Variants in CTSC observed in about 807,000 individuals in gnomAD.
CTSC encodes the protein cathepsin C.
CTSC carries 37 observed loss-of-function variants against 40.9 expected under a neutral mutation model. The ratio of observed to expected loss-of-function variants is 0.91; its 90% confidence interval spans 0.70 to 1.19. The LOEUF (loss-of-function observed/expected upper bound fraction) is 1.19. CTSC is among the 50% of genes most tolerant of loss of function. The pLI is 0.00. For missense variants in CTSC, 594 were observed against 567.3 expected, an observed-to-expected ratio of 1.05 and a Z score of -0.48; for synonymous variants, 232 against 207.4, an observed-to-expected ratio of 1.12 and a Z score of -1.02.
chr11:88,316,190 C>T (rs752601107), intron 2 of CTSC, among the ~76,000 whole-genome samples: 2 of 152,104 alleles, frequency 1.3e-5, no homozygotes, highest in African/African-American at 2.4e-5. Flanking sequence ...GGGTTTTTGA[C>T]GCAGAACAGA....
intron 2 of CTSC, among the ~76,000 whole-genome samples, chr11:88,329,208 G>A (rs889552911): frequency 7.9e-5 from 12 of 152,058 alleles, no homozygotes; most frequent in African/African-American, 2.2e-4. Context: ...CAGGCTGGGC[G>A]TGGTGGCTCA....
chr11:88,309,467 G>A, intron 3 of CTSC, 149 bp from the exon 4 acceptor site: 1 of 711,768 alleles, frequency 1.4e-6, no homozygotes, highest in Non-Finnish European at 2.5e-6. Flanking sequence ...GCCTAGAACA[G>A]CCTGGCATGT....
chr11:88,325,962 C>T, intron 2 of CTSC: 2 of 995,186 alleles, frequency 2.0e-6, no homozygotes, highest in Non-Finnish European at 2.4e-6. Flanking sequence ...GACACTCAGG[C>T]AGACAGTTAA....
intron 6 of CTSC, among the ~76,000 whole-genome samples, chr11:88,295,841 C>A (rs2134765361): frequency 6.6e-6 from 1 of 152,260 alleles, no homozygotes; most frequent in South Asian, 2.1e-4. Flanking sequence ...TGTTCCCCGC[C>A]CATAAATAGG....
At chr11:88,306,748 G>A (rs778993751) in intron 4 of CTSC, among the ~76,000 whole-genome samples, 2 of 152,240 alleles carry the variant, frequency 1.3e-5, no homozygotes, top group Admixed American at 1.3e-4. Flanking sequence ...GGTACACTGA[G>A]CAAGAACTTA....
At chr11:88,315,071 G>T (rs957705416) in intron 2 of CTSC, among the ~76,000 whole-genome samples, 4 of 152,174 alleles carry the variant, frequency 2.6e-5, no homozygotes, top group Non-Finnish European at 1.5e-5. Context: ...TCGAAACAGT[G>T]TAACATGGTA....
chr11:88,309,209 C>T lies in CTSC; in HGVS notation c.595G>A (p.Gly199Arg). The T allele has an allele frequency of 2.5e-6, 4 of 1,613,956 alleles. No homozygotes were observed. The highest frequency in any genetic ancestry group is 2.5e-6 in the Non-Finnish European group (3 of 1,179,928). Reference protein sequence around the residue: ...TYMEYETLTLGDMIRRSGGHS... With the variant: ...TYMEYETLTLRDMIRRSGGHS... ...CCACCACTTCTCCTAATCATATCTCCCAGGGTAAGAGTCTCATATTCCATG... is the reference window on the plus strand; with the variant it reads ...CCACCACTTCTCCTAATCATATCTCTCAGGGTAAGAGTCTCATATTCCATG... Residue 199 changes from glycine to arginine, a missense_variant, in exon 4 of 7, where the codon GGA (glycine) becomes AGA (arginine). Gly to Arg is a moderately radical substitution (Grantham distance 125, BLOSUM62 -2). Coordinates refer to ENST00000227266, the MANE Select transcript of CTSC (RefSeq NM_001814.6).
intron 5 of CTSC, chr11:88,299,822 T>A (rs1271017707): frequency 6.6e-6 from 1 of 152,228 alleles, no homozygotes; most frequent in African/African-American, 2.4e-5. Context: ...ATTCTCCAAG[T>A]CATTGTTGGC....
intron 4 of CTSC, among the ~76,000 whole-genome samples, chr11:88,308,338 T>C (rs1937680407): frequency 6.6e-6 from 1 of 152,168 alleles, no homozygotes. Flanking sequence ...ACTTGAGAGA[T>C]TGTCAGCCGT....
chr11:88,328,773 G>A (rs1005516546), intron 2 of CTSC, among the ~76,000 whole-genome samples: 6 of 151,916 alleles, frequency 3.9e-5, no homozygotes, highest in Non-Finnish European at 5.9e-5. Context: ...GACTATAGGC[G>A]TGCACCACCA....
At chr11:88,316,965 C>T (rs1224135318) in intron 2 of CTSC, among the ~76,000 whole-genome samples, 3 of 151,472 alleles carry the variant, frequency 2.0e-5, no homozygotes, top group Non-Finnish European at 4.4e-5. Flanking sequence ...CTGTGGTTGT[C>T]TTAATTTTTT....
intron 1 of CTSC, 116 bp downstream of exon 1, chr11:88,337,385 A>G: frequency 9.2e-7 from 1 of 1,087,920 alleles, no homozygotes; most frequent in Non-Finnish European, 1.4e-6. Context: ...TCCAGTCAAG[A>G]TGCTCTGGCC....
chr11:88,298,839 A>G (rs1178761125), intron 5 of CTSC: 1 of 152,236 alleles, frequency 6.6e-6, no homozygotes, highest in Non-Finnish European at 1.5e-5. Flanking sequence ...CCAATGTCAA[A>G]TAATTTGGCT....
chr11:88,328,778 C>T (rs1938262966), intron 2 of CTSC, among the ~76,000 whole-genome samples: 1 of 152,120 alleles, frequency 6.6e-6, no homozygotes, highest in South Asian at 2.1e-4. Context: ...TAGGCGTGCA[C>T]CACCACACCC....
chr11:88,319,224 G>GT (rs959436452), intron 2 of CTSC, among the ~76,000 whole-genome samples: 4 of 152,088 alleles, frequency 2.6e-5, no homozygotes, highest in South Asian at 2.1e-4. Flanking sequence ...GAAAATGGCA[G>GT]TTTTTTTATA....
intron 1 of CTSC, among the ~76,000 whole-genome samples, chr11:88,335,777 G>A (rs1467196342): frequency 6.6e-6 from 1 of 152,144 alleles, no homozygotes; most frequent in East Asian, 1.9e-4. Flanking sequence ...AGAATAAAAG[G>A]TATGACAACA....
Position 88,309,222 on chromosome 11 carries a change from C to T in CTSC, c.582G>A (p.Glu194=), listed in dbSNP as rs777839778. ...TAATCATATCTCCCAGGGTAAGAGT[C>T]TCATATTCCATGTATGTAGTTGCAG... The part of the protein sequence containing the change: ...SWTATTYMEY[E]TLTLGDMIRR... The change falls in exon 4 of 7, where the codon GAG becomes GAA. Residue 194 remains glutamate, a synonymous_variant. Transcript: ENST00000227266. 2.5e-6 allele frequency: 4 copies of T among 1,613,930 alleles called. No individual in the cohort carries two copies. The highest frequency in any genetic ancestry group is 3.4e-6 in the Non-Finnish European group (4 of 1,179,830).
chr11:88,326,235 G>C lies in CTSC; in HGVS notation c.318+8702C>G. ...TACTGTTTTCCAAGGGAGTGTTCAGGAGGGCAGCTGCCTTGGAGGTAGGTC... is the reference window on the plus strand; with the variant it reads ...TACTGTTTTCCAAGGGAGTGTTCAGCAGGGCAGCTGCCTTGGAGGTAGGTC... On this transcript the variant is annotated intron_variant, in intron 2 of 6. Transcript: ENST00000227266. The C allele has an allele frequency of 4.1e-6, 6 of 1,481,350 alleles. No individual in the cohort carries two copies. The South Asian group carries it at 8.4e-5, about 21-fold the overall frequency. 91.8% of individuals were successfully genotyped at this position (1,481,350 alleles called of 1,614,324 possible).
intron 4 of CTSC, among the ~76,000 whole-genome samples, chr11:88,306,210 C>T (rs1432837717): frequency 6.6e-6 from 1 of 152,166 alleles, no homozygotes; most frequent in Non-Finnish European, 1.5e-5. Flanking sequence ...ACAGGAAAAA[C>T]CTTCACATAG....
Sources: allele counts gnomAD v4.1 joint callset (sites outside exome capture counted in the v4.1 genomes callset), GRCh38; gene constraint gnomAD v4.1.1; transcripts MANE v1.5; gene names NCBI Gene and HGNC (gene_info 2026-07-23, HGNC 2026-07-21).